The following KCNIP4 variants were observed in gnomAD, a reference collection of about 807,000 sequenced individuals.
The protein encoded by KCNIP4 is Kv channel-interacting protein 4.
A neutral mutation model predicts 34.0 loss-of-function variants in KCNIP4; 12 were observed. The observed-to-expected ratio is 0.35, with a 90% CI of 0.23 to 0.57. KCNIP4 has a LOEUF of 0.57. Ranked by LOEUF, KCNIP4 falls within the 20% of genes least tolerant of loss-of-function variation. KCNIP4 has a pLI of 0.83. For missense variants in KCNIP4, 238 were observed against 311.7 expected (o/e 0.76, Z 1.78); for synonymous variants, 124 against 102.2 (o/e 1.21, Z -1.29).
At chr4:21,691,873 T>C (rs1711683226) in intron 1 of KCNIP4, among the ~76,000 whole-genome samples, 1 of 151,970 alleles carries the variant, frequency 6.6e-6, no homozygotes. Flanking sequence ...TAACTTCTTG[T>C]ATCTTTAGTA....
intron 1 of KCNIP4, among the ~76,000 whole-genome samples, chr4:20,915,810 CT>C (rs970874342): frequency 1.3e-5 from 2 of 152,106 alleles, no homozygotes. Flanking sequence ...CTAATTTTAT[CT>C]TCTTTACACA....
intron 1 of KCNIP4, among the ~76,000 whole-genome samples, chr4:21,543,738 T>G (rs913658998): frequency 6.6e-6 from 1 of 152,152 alleles, no homozygotes; most frequent in Non-Finnish European, 1.5e-5. Flanking sequence ...GCCTTTTCCT[T>G]ACCTACATTG....
At chr4:20,745,835 A>G (rs75965121) in intron 5 of KCNIP4, among the ~76,000 whole-genome samples, 9,461 of 152,236 alleles carry the variant, frequency 0.062, 350 homozygotes, top group East Asian at 0.1. Flanking sequence ...AAAGACTGCT[A>G]TGGCTTAGAA....
chr4:21,339,199 A>G (rs1042515080), intron 1 of KCNIP4, among the ~76,000 whole-genome samples: 5 of 152,254 alleles, frequency 3.3e-5, no homozygotes, highest in African/African-American at 9.6e-5. Context: ...AAATGACACT[A>G]TGATAGCTCA....
intron 1 of KCNIP4, among the ~76,000 whole-genome samples, chr4:21,466,135 C>G (rs1470741692): frequency 2.0e-5 from 3 of 152,172 alleles, no homozygotes; most frequent in African/African-American, 4.8e-5. Context: ...TGTCCTCAGG[C>G]CTGTCCTGCC....
intron 1 of KCNIP4, among the ~76,000 whole-genome samples, chr4:21,374,350 A>T (rs1177496075): frequency 6.8e-6 from 1 of 147,268 alleles, no homozygotes; most frequent in Non-Finnish European, 1.5e-5. Flanking sequence ...AGCAGGCAAG[A>T]GAGAGAATGA....
At chr4:21,137,298 A>T (rs1173647511) in intron 1 of KCNIP4, among the ~76,000 whole-genome samples, 1 of 152,204 alleles carries the variant, frequency 6.6e-6, no homozygotes, top group Non-Finnish European at 1.5e-5. Flanking sequence ...AGCAGCAGTG[A>T]ATAGCATTTC....
At chr4:21,838,069 C>G (rs1386833430) in intron 1 of KCNIP4, among the ~76,000 whole-genome samples, 2 of 151,986 alleles carry the variant, frequency 1.3e-5, no homozygotes, top group Non-Finnish European at 2.9e-5. Flanking sequence ...AACTTAAGGA[C>G]AAAGAAGTAA....
At chr4:21,574,232 G>A (rs1418194824) in intron 1 of KCNIP4, among the ~76,000 whole-genome samples, 2 of 152,072 alleles carry the variant, frequency 1.3e-5, no homozygotes, top group Non-Finnish European at 2.9e-5. Context: ...TAAGTTTATC[G>A]TGTACCTGAA....
intron 1 of KCNIP4, among the ~76,000 whole-genome samples, chr4:21,774,399 T>G (rs916347433): frequency 6.6e-6 from 1 of 152,200 alleles, no homozygotes; most frequent in African/African-American, 2.4e-5. Context: ...TAGAAGAATC[T>G]GATGATTATG....
chr4:21,909,018 T>C (rs2108979008), intron 1 of KCNIP4, among the ~76,000 whole-genome samples: 1 of 152,254 alleles, frequency 6.6e-6, no homozygotes, highest in East Asian at 1.9e-4. Context: ...TCCATCTTAT[T>C]ACCTGAAAAT....
intron 1 of KCNIP4, among the ~76,000 whole-genome samples, chr4:21,295,402 T>G (rs534286577): frequency 6.6e-6 from 1 of 152,182 alleles, no homozygotes; most frequent in African/African-American, 2.4e-5. Context: ...AGAGACTTTC[T>G]ATTTGAACCC....
At chr4:20,731,795 C>A (rs989315099) in intron 8 of KCNIP4, 2 of 985,236 alleles carry the variant, frequency 2.0e-6, no homozygotes, top group African/African-American at 3.5e-5. Flanking sequence ...CCCAGGGTTT[C>A]CTCCATAGCC....
chr4:21,144,165 T>C (rs1577777236), intron 1 of KCNIP4, among the ~76,000 whole-genome samples: 1 of 152,200 alleles, frequency 6.6e-6, no homozygotes, highest in Non-Finnish European at 1.5e-5. Context: ...TTCTGCCCCA[T>C]GCAATAAACC....
chr4:21,696,660 A>G (rs1032298172), intron 1 of KCNIP4, among the ~76,000 whole-genome samples: 1 of 152,168 alleles, frequency 6.6e-6, no homozygotes, highest in Non-Finnish European at 1.5e-5. Flanking sequence ...ATGAGCAACA[A>G]AACTGTTGAT....
intron 1 of KCNIP4, among the ~76,000 whole-genome samples, chr4:21,752,235 T>C (rs1479756442): frequency 1.3e-5 from 2 of 152,136 alleles, no homozygotes; most frequent in Non-Finnish European, 2.9e-5. Context: ...TATCAGAGAC[T>C]GGGTAATTTA....
At chr4:20,977,936 T>C (rs1735647439) in intron 1 of KCNIP4, among the ~76,000 whole-genome samples, 1 of 152,228 alleles carries the variant, frequency 6.6e-6, no homozygotes, top group African/African-American at 2.4e-5. Context: ...ATTCATGAGC[T>C]GTCTGGCCTC....
At chr4:21,119,301 A>C (rs1186594173) in intron 1 of KCNIP4, among the ~76,000 whole-genome samples, 1 of 151,926 alleles carries the variant, frequency 6.6e-6, no homozygotes, top group Non-Finnish European at 1.5e-5. Flanking sequence ...TATTGAAATT[A>C]AGCACATAAG....
chr4:20,746,853 T>A (rs1752521683), intron 5 of KCNIP4, among the ~76,000 whole-genome samples: 1 of 152,168 alleles, frequency 6.6e-6, no homozygotes, highest in African/African-American at 2.4e-5. Flanking sequence ...TTACCCTTTA[T>A]CGTAGAATCA....
Sources: allele counts gnomAD v4.1 joint callset (sites outside exome capture counted in the v4.1 genomes callset), GRCh38; gene constraint gnomAD v4.1.1; transcripts MANE v1.5; gene names NCBI Gene and HGNC (gene_info 2026-07-23, HGNC 2026-07-21).